The following MICAL2 variants were observed in gnomAD, a reference collection of about 807,000 sequenced individuals.
The protein encoded by MICAL2 is [F-actin]-monooxygenase MICAL2.
Under a neutral mutation model 127.3 loss-of-function variants are expected in MICAL2, and 77 were observed. The ratio of observed to expected loss-of-function variants is 0.60; its 90% CI spans 0.50 to 0.73. MICAL2 has a LOEUF of 0.73. MICAL2 is among the 30% of genes least tolerant of loss of function. MICAL2 has a pLI of 0.00. For missense variants in MICAL2, 1,351 were observed against 1,434.4 expected (o/e 0.94, Z 0.94); for synonymous variants, 570 against 551.1 (o/e 1.03, Z -0.48).
chr11:12,296,241 C>A (rs1446399399), downstream of MICAL2, among the ~76,000 whole-genome samples: 1 of 151,762 alleles, frequency 6.6e-6, no homozygotes, highest in African/African-American at 2.4e-5. Flanking sequence ...TGTTGATCAA[C>A]TTTGTTTTTC....
chr11:12,354,231 C>T (rs1939095507), intron 33 of MICAL2, among the ~76,000 whole-genome samples: 1 of 152,198 alleles, frequency 6.6e-6, no homozygotes, highest in African/African-American at 2.4e-5. Context: ...AATGCCAGCA[C>T]TTTGGGAGGC....
At chr11:12,147,776 G>A (rs1853100486) in intron 2 of MICAL2, among the ~76,000 whole-genome samples, 1 of 152,204 alleles carries the variant, frequency 6.6e-6, no homozygotes, top group African/African-American at 2.4e-5. Context: ...TTGAATGAAT[G>A]GAATTGAATG....
intron 1 of MICAL2, among the ~76,000 whole-genome samples, chr11:12,123,889 T>C (rs1433545943): frequency 2.0e-5 from 3 of 152,116 alleles, no homozygotes; most frequent in Non-Finnish European, 4.4e-5. Flanking sequence ...CCAGACCATA[T>C]ATTGTATTTA....
intron 2 of MICAL2, among the ~76,000 whole-genome samples, chr11:12,284,573 A>T (rs907440842): frequency 1.3e-5 from 2 of 152,210 alleles, no homozygotes; most frequent in Non-Finnish European, 2.9e-5. Flanking sequence ...GTTCCATTCC[A>T]CAAAGTTACA....
Position 12,223,435 on chromosome 11 carries a change from G to T in MICAL2, c.1474G>T (p.Glu492Ter), listed in dbSNP as rs1172488746. 1.2e-6 allele frequency: 2 copies of T among 1,613,928 alleles called. No individual in the cohort carries two copies. Residue 492 changes from glutamate (E) to a stop codon, truncating the protein, a stop_gained, in exon 12 of 28, where the codon GAG (glutamate) becomes TAG (stop). Coordinates refer to ENST00000683283, the MANE Select transcript of MICAL2 (RefSeq NM_001282663.2). LOFTEE classifies it high-confidence loss of function. ...GGTGAAGCATTTGTATATCACTAAG[G>T]AGCTGGAGCACTACCCTCTCGAGAG... ...HQVKHLYITK[E>*]LEHYPLERLG... is the part of the protein sequence containing the mutation.
intron 2 of MICAL2, among the ~76,000 whole-genome samples, chr11:12,282,994 C>T (rs1242643537): frequency 1.3e-5 from 2 of 152,166 alleles, no homozygotes; most frequent in Admixed American, 6.5e-5. Context: ...TCTGACAGTC[C>T]AGTTTAACGC....
At chr11:12,226,878 T>A in intron 14 of MICAL2, 147 bp from the exon 15 acceptor site, 4 of 634,488 alleles carry the variant, frequency 6.3e-6, no homozygotes, top group South Asian at 3.2e-5. Flanking sequence ...ATGGTCTCGA[T>A]CTCCTGACCT....
chr11:12,150,939 C>T (rs1226931179), intron 2 of MICAL2, among the ~76,000 whole-genome samples: 1 of 152,098 alleles, frequency 6.6e-6, no homozygotes, highest in East Asian at 1.9e-4. Flanking sequence ...CGCAGCTTCC[C>T]GGGAACTGAC....
At chr11:12,337,220 G>C (rs1005857865) in intron 32 of MICAL2, among the ~76,000 whole-genome samples, 2 of 152,186 alleles carry the variant, frequency 1.3e-5, no homozygotes, top group African/African-American at 2.4e-5. Flanking sequence ...ATTTCTTCTA[G>C]ATTTTCTAGT....
At chr11:12,278,374 A>G (rs528320001) in intron 1 of MICAL2, among the ~76,000 whole-genome samples, 9 of 152,268 alleles carry the variant, frequency 5.9e-5, no homozygotes, top group Admixed American at 2.6e-4. Flanking sequence ...GCAGCACTGT[A>G]GGTTTTAAAC....
At chr11:12,294,637 CAA>C (rs1863955732), downstream of MICAL2, 1 of 1,614,076 alleles carries the variant, frequency 6.2e-7, no homozygotes, top group Non-Finnish European at 8.5e-7. Flanking sequence ...CCCTCAGACT[CAA>C]AGACAAATCT....
rs148259241 is a variant in MICAL2 at position 12,314,549 on chromosome 11, G to A, written c.5213-5147G>A. ...GCTGGAGTGCAGTGGCGCGATCTCG[G>A]CTCACTGAAAGTTCCGTCTCCTGGG... On this transcript the variant is annotated intron_variant, in intron 29 of 34. Transcript: ENST00000646065. 3.4e-3 allele frequency among the ~76,000 whole-genome samples: 521 copies of A among 151,882 alleles called. 1 individual carries two copies. The highest frequency in any genetic ancestry group is 0.012 in the African/African-American group (496 of 41,444).
At chr11:12,291,635 G>T (rs575547948), downstream of MICAL2, among the ~76,000 whole-genome samples, 2 of 152,164 alleles carry the variant, frequency 1.3e-5, no homozygotes, top group Non-Finnish European at 2.9e-5. Flanking sequence ...AATCTCAAAC[G>T]ACTCTTCCTG....
At chr11:12,350,553 G>C (rs1021209006) in intron 33 of MICAL2, among the ~76,000 whole-genome samples, 1 of 152,096 alleles carries the variant, frequency 6.6e-6, no homozygotes, top group African/African-American at 2.4e-5. Flanking sequence ...ATGCTGTCTC[G>C]TTTCATTTTT....
At chr11:12,220,597 C>A in intron 9 of MICAL2, 139 bp downstream of exon 9, 2 of 1,251,144 alleles carry the variant, frequency 1.6e-6, no homozygotes, top group Non-Finnish European at 2.2e-6. Context: ...CAAGCCTGTC[C>A]CGGCCTCAGA....
intron 32 of MICAL2, among the ~76,000 whole-genome samples, chr11:12,347,333 A>G (rs1444496518): frequency 6.6e-6 from 1 of 152,170 alleles, no homozygotes; most frequent in Non-Finnish European, 1.5e-5. Context: ...TAGCTCTTTG[A>G]GTCCCTGTGA....
chr11:12,185,784 G>GGA (rs1263174744), intron 3 of MICAL2, among the ~76,000 whole-genome samples: 9 of 152,168 alleles, frequency 5.9e-5, no homozygotes, highest in African/African-American at 2.2e-4. Context: ...AGAAGATCCA[G>GGA]GATCTCTGGA....
chr11:12,281,731 G>A (rs1433172462), intron 2 of MICAL2, among the ~76,000 whole-genome samples: 1 of 152,250 alleles, frequency 6.6e-6, no homozygotes, highest in Non-Finnish European at 1.5e-5. Flanking sequence ...CAAACAGGCT[G>A]AGTGGTCTCC....
chr11:12,196,730 C>G (rs540145510), intron 3 of MICAL2, among the ~76,000 whole-genome samples: 1 of 152,246 alleles, frequency 6.6e-6, no homozygotes, highest in South Asian at 2.1e-4. Flanking sequence ...TCATAAAATC[C>G]AAAGGGGAGG....
Sources: allele counts gnomAD v4.1 joint callset (sites outside exome capture counted in the v4.1 genomes callset), GRCh38; gene constraint gnomAD v4.1.1; transcripts MANE v1.5; gene names NCBI Gene and HGNC (gene_info 2026-07-23, HGNC 2026-07-21).